Variants in SLC4A7 observed in about 807,000 individuals in gnomAD.
The protein encoded by SLC4A7 is solute carrier family 4 member 7.
Under a neutral mutation model 137.6 loss-of-function variants are expected in SLC4A7, and 51 were observed. The observed-to-expected ratio is 0.37, with a 90% CI of 0.30 to 0.47. The LOEUF (loss-of-function observed/expected upper bound fraction) is 0.47, where lower values mean the gene tolerates loss of function less well. Among genes scored for constraint, SLC4A7 ranks in the 20% least tolerant of loss-of-function variants. The pLI, the probability that SLC4A7 is intolerant of heterozygous loss-of-function variation, is 1.00. For synonymous variants in SLC4A7, 542 were observed against 518.6 expected (o/e 1.05, Z -0.61); for missense variants, 1,247 against 1,525.4 (o/e 0.82, Z 3.04).
intron 3 of SLC4A7, among the ~76,000 whole-genome samples, chr3:27,447,847 T>G (rs2057778361): frequency 6.6e-6 from 1 of 152,020 alleles, no homozygotes; most frequent in Non-Finnish European, 1.5e-5. Context: ...ATAAGAGTAC[T>G]CTTTTTTGCA....
intron 1 of SLC4A7, among the ~76,000 whole-genome samples, chr3:27,480,866 C>A (rs73050099): frequency 6.6e-6 from 1 of 152,194 alleles, no homozygotes; most frequent in Non-Finnish European, 1.5e-5. Flanking sequence ...AATGTAAATG[C>A]CATCACTGTG....
At chr3:27,436,655 T>C (rs531254373) in intron 4 of SLC4A7, 107 bp from the exon 5 acceptor site, 2 of 731,722 alleles carry the variant, frequency 2.7e-6, no homozygotes, top group East Asian at 2.9e-5. Context: ...AAAAAAGAAA[T>C]AAAGAAAACC....
At chr3:27,475,928 C>T (rs1005569628) in intron 1 of SLC4A7, among the ~76,000 whole-genome samples, 1 of 152,096 alleles carries the variant, frequency 6.6e-6, no homozygotes, top group African/African-American at 2.4e-5. Context: ...AGAGGGTCCA[C>T]AAACCTCAAA....
intron 24 of SLC4A7, among the ~76,000 whole-genome samples, chr3:27,382,894 A>C (rs952976683): frequency 2.0e-5 from 3 of 152,224 alleles, no homozygotes; most frequent in African/African-American, 7.2e-5. Context: ...ATGGAGTGAT[A>C]GAAGACAAGC....
chr3:27,434,174 G>A, intron 5 of SLC4A7, 70 bp from the exon 6 acceptor site: 3 of 1,098,584 alleles, frequency 2.7e-6, no homozygotes, highest in African/African-American at 3.2e-5. Flanking sequence ...AACTGTGAGT[G>A]AAACCTTATG....
intron 1 of SLC4A7, among the ~76,000 whole-genome samples, chr3:27,461,428 CA>C (rs1411126994): frequency 6.6e-6 from 1 of 151,294 alleles, no homozygotes; most frequent in Non-Finnish European, 1.5e-5. Context: ...ACAAAACAAA[CA>C]AACAGATTCA....
intron 16 of SLC4A7, 114 bp from the exon 17 acceptor site, chr3:27,398,467 T>C: frequency 1.2e-6 from 1 of 829,452 alleles, no homozygotes. Flanking sequence ...ACCATTACTT[T>C]GTATTCCTTA....
chr3:27,389,812 A>C, intron 22 of SLC4A7, 119 bp downstream of exon 22: 1 of 696,940 alleles, frequency 1.4e-6, no homozygotes, highest in Non-Finnish European at 2.3e-6. Context: ...CACATTTTCA[A>C]ACACCTAAGG....
intron 7 of SLC4A7, among the ~76,000 whole-genome samples, chr3:27,426,277 T>C (rs1190452442): frequency 6.6e-6 from 1 of 152,214 alleles, no homozygotes; most frequent in Non-Finnish European, 1.5e-5. Flanking sequence ...TTCCCAAGCC[T>C]CAACTCATTT....
intron 3 of SLC4A7, among the ~76,000 whole-genome samples, chr3:27,448,447 T>C (rs915032790): frequency 1.3e-5 from 2 of 151,890 alleles, no homozygotes; most frequent in Non-Finnish European, 2.9e-5. Flanking sequence ...GAAAGAGATC[T>C]TGACCTATAA....
intron 3 of SLC4A7, among the ~76,000 whole-genome samples, chr3:27,448,301 T>C (rs2057823105): frequency 1.3e-5 from 2 of 151,386 alleles, no homozygotes; most frequent in Non-Finnish European, 2.9e-5. Context: ...ATCCATTGCA[T>C]ATGTAAGTAA....
intron 1 of SLC4A7, among the ~76,000 whole-genome samples, chr3:27,483,502 G>A (rs1284188934): frequency 2.0e-5 from 3 of 152,228 alleles, no homozygotes; most frequent in African/African-American, 7.2e-5. Context: ...GCCAGTCCAC[G>A]CGGCCGGAGA....
intron 7 of SLC4A7, among the ~76,000 whole-genome samples, chr3:27,425,876 AC>A (rs2055556519): frequency 1.3e-5 from 2 of 152,084 alleles, no homozygotes; most frequent in Admixed American, 1.3e-4. Context: ...AGGAAAAGGT[AC>A]TGAAATACAA....
intron 4 of SLC4A7, 100 bp from the exon 5 acceptor site, chr3:27,436,648 A>G: frequency 1.3e-6 from 1 of 770,938 alleles, no homozygotes. Flanking sequence ...GAAAAAAAAA[A>G]AAGAAATAAA....
rs1323036955 is a variant in SLC4A7 at position 27,376,136 on chromosome 3, A to G, written c.*628T>C. On this transcript the variant is annotated 3_prime_UTR_variant, in exon 26 of 26. Coordinates refer to ENST00000454389, the MANE Select transcript of SLC4A7 (RefSeq NM_001321103.2). Reference sequence around the variant, plus strand: ...TACTTGTCTGTCACAATGGATACCTAGATATGAAGGTTTTAAGATTTAAAA... The same window carrying G: ...TACTTGTCTGTCACAATGGATACCTGGATATGAAGGTTTTAAGATTTAAAA... 6.6e-6 allele frequency: 1 copy of G among 152,086 alleles called. No individual in the cohort carries two copies. The highest frequency in any genetic ancestry group is 1.5e-5 in the Non-Finnish European group (1 of 67,928). 9.4% of individuals were successfully genotyped at this position (152,086 alleles called of 1,614,324 possible).
rs543923842 is a variant in SLC4A7 at position 27,423,872 on chromosome 3, C to T, written c.1266+165G>A. The T allele has an allele frequency of 2.6e-5, 14 of 546,826 alleles. No homozygotes were observed. The East Asian group carries it at 2.8e-4, about 11-fold the overall frequency. The allele number at this position is 546,826 out of a possible 1,614,324, so 33.9% of individuals were successfully genotyped here. A position where few individuals can be genotyped will look rare whatever the true frequency, so the allele number is the denominator to read the frequency against. ...CACAGGTTAACTGTAACCCTTCTCA[C>T]AGTTTTTACCTTAAATTAACATATC... On this transcript the variant is annotated intron_variant, in intron 8 of 25. Transcript: ENST00000454389.
intron 15 of SLC4A7, among the ~76,000 whole-genome samples, chr3:27,401,913 T>C (rs570609474): frequency 5.3e-5 from 8 of 152,280 alleles, no homozygotes; most frequent in South Asian, 2.1e-4. Context: ...GGAATGAAGA[T>C]AGTATATAAC....
rs1369961138 is a variant in SLC4A7, at chr3:27,433,991, T to C, written c.703A>G (p.Ser235Gly). ...AAAGATCGAACAAGAGGAATCCGACTGGTGAATCTTTTCTCATTCTGATGA... is the reference window on the plus strand; with the variant it reads ...AAAGATCGAACAAGAGGAATCCGACCGGTGAATCTTTTCTCATTCTGATGA... ...HHHQNEKRFT[S>G]RIPLVRSFAD... The change falls in exon 6 of 26, where the codon AGT becomes GGT. Residue 235 changes from serine to glycine, a missense_variant. Physicochemically the swap from Ser to Gly is moderately conservative, Grantham distance 56 (BLOSUM62 0). Transcript: ENST00000454389. The C allele has an allele frequency of 3.1e-6, 5 of 1,613,844 alleles. No homozygotes were observed. In the African/African-American group the frequency reaches 6.7e-5, roughly 22 times the overall value.
At chr3:27,381,266 C>G (rs926937744) in intron 24 of SLC4A7, among the ~76,000 whole-genome samples, 6 of 152,042 alleles carry the variant, frequency 3.9e-5, no homozygotes, top group African/African-American at 1.2e-4. Context: ...TGTCAAGGTC[C>G]ATATATAATT....
Sources: gnomAD v4.1 joint callset for allele counts (sites outside exome capture counted in the v4.1 genomes callset) on GRCh38, gnomAD v4.1.1 for gene constraint, MANE v1.5 for transcripts, NCBI Gene and HGNC (gene_info 2026-07-23, HGNC 2026-07-21) for gene names.